Variants in ACSF3 observed in about 807,000 individuals in gnomAD.
The protein encoded by ACSF3 is malonate--CoA ligase ACSF3, mitochondrial.
In ACSF3, 78 loss-of-function variants were observed where a neutral mutation model predicts 53.2. The observed-to-expected ratio is 1.47, with a 90% CI of 1.22 to 1.77. The LOEUF is 1.77. Among genes scored for constraint, ACSF3 ranks in the 40% most tolerant of loss-of-function variants. The pLI, the probability that ACSF3 is intolerant of heterozygous loss-of-function variation, is 0.00. For missense variants in ACSF3, 937 were observed against 771.1 expected (o/e 1.22, Z -2.55); for synonymous variants, 414 against 333.1 (o/e 1.24, Z -2.65).
At chr16:89,110,497 A>G (rs1976556663) in intron 4 of ACSF3, among the ~76,000 whole-genome samples, 2 of 152,152 alleles carry the variant, frequency 1.3e-5, no homozygotes, top group Non-Finnish European at 2.9e-5. Context: ...TGGACTCTCC[A>G]TTGTGTTTTG....
chr16:89,141,397 C>G, intron 8 of ACSF3: 4 of 1,091,268 alleles, frequency 3.7e-6, no homozygotes, highest in Non-Finnish European at 4.9e-6. Context: ...AAGCTCAGGG[C>G]TGGGAGGGAA....
intron 4 of ACSF3, among the ~76,000 whole-genome samples, chr16:89,105,117 C>G (rs1975813719): frequency 6.6e-6 from 1 of 152,218 alleles, no homozygotes; most frequent in Non-Finnish European, 1.5e-5. Context: ...AAGAGCCTCC[C>G]TGAGGGCCCC....
intron 7 of ACSF3, chr16:89,122,380 A>C (rs1205343114): frequency 1.6e-5 from 7 of 449,654 alleles, no homozygotes; most frequent in South Asian, 9.4e-5. Flanking sequence ...GTAGGGCCCC[A>C]GCCCATGCTG....
chr16:89,107,401 C>T (rs990471927), intron 4 of ACSF3, among the ~76,000 whole-genome samples: 1 of 152,088 alleles, frequency 6.6e-6, no homozygotes, highest in East Asian at 1.9e-4. Flanking sequence ...CACGCATGCT[C>T]TCCCCACCTC....
At chr16:89,113,883 G>A in intron 5 of ACSF3, 1 of 314,156 alleles carries the variant, frequency 3.2e-6, no homozygotes, top group Non-Finnish European at 6.3e-6. Flanking sequence ...TCCGCGTTCT[G>A]CTGCAGAGCC....
At chr16:89,120,368 A>G (rs1906329321) in intron 6 of ACSF3, among the ~76,000 whole-genome samples, 1 of 152,186 alleles carries the variant, frequency 6.6e-6, no homozygotes, top group Non-Finnish European at 1.5e-5. Context: ...AGGTCCCCTC[A>G]TCGTGGACAG....
At chr16:89,141,017 T>G (rs1911644176) in intron 8 of ACSF3, 1 of 1,218,540 alleles carries the variant, frequency 8.2e-7, no homozygotes, top group Non-Finnish European at 1.1e-6. Context: ...GATAAATAGG[T>G]TGTTATGGAA....
chr16:89,153,672 C>A (rs992268104), intron 10 of ACSF3: 1 of 313,694 alleles, frequency 3.2e-6, no homozygotes, highest in African/African-American at 2.2e-5. Flanking sequence ...CCACCCACTC[C>A]CCAGCCTCTT....
chr16:89,136,781 G>A, intron 8 of ACSF3: 6 of 1,287,292 alleles, frequency 4.7e-6, no homozygotes, highest in Non-Finnish European at 5.1e-6. Flanking sequence ...GGCTTGTGAG[G>A]CCAGGGGTCT....
rs780693677 is a variant in ACSF3, at chr16:89,101,378, G to A, written c.666+31G>A. 8.9e-5 allele frequency: 139 copies of A among 1,557,182 alleles called. 1 individual carries two copies. Among genetic ancestry groups the A allele is most frequent in the Non-Finnish European group, 1.0e-4 (120 of 1,151,628 alleles). ...TGCCGCCTGGCGCCGTGATGGTTTC[G>A]GTGACCGCACAGCACTCCGGGTGGG... On this transcript the variant is annotated intron_variant, in intron 3 of 10. Transcript: ENST00000614302.
chr16:89,146,023 C>T lies in ACSF3; in HGVS notation c.1587C>T (p.Ser529=), dbSNP rs778486871. 7.4e-6 allele frequency: 12 copies of T among 1,613,364 alleles called. No individual in the cohort carries two copies. The highest frequency in any genetic ancestry group is 1.0e-5 in the Non-Finnish European group (12 of 1,179,666). ...VVTLREGHSL[S]HRELKEWARN... ...CCCTCCGAGAAGGACACTCACTGTCCCACAGGGAGCTCAAAGAGTGGGCCA... is the reference window on the plus strand; with the variant it reads ...CCCTCCGAGAAGGACACTCACTGTCTCACAGGGAGCTCAAAGAGTGGGCCA... Residue 529 remains serine, a synonymous_variant, in exon 10 of 11, where the codon TCC becomes TCT. Coordinates refer to ENST00000614302, the MANE Select transcript of ACSF3 (RefSeq NM_001243279.3).
At chr16:89,128,520 A>G (rs1436597728) in intron 7 of ACSF3, among the ~76,000 whole-genome samples, 5 of 152,120 alleles carry the variant, frequency 3.3e-5, no homozygotes, top group African/African-American at 1.2e-4. Flanking sequence ...TCGGCTTCCC[A>G]AAGTGCTGAG....
chr16:89,123,118 G>T (rs370802586), intron 7 of ACSF3, among the ~76,000 whole-genome samples: 12 of 152,330 alleles, frequency 7.9e-5, no homozygotes, highest in Non-Finnish European at 1.5e-4. Context: ...TTCAGCCAAG[G>T]AGTCGGTGCA....
At chr16:89,125,294 G>A (rs1907762879) in intron 7 of ACSF3, among the ~76,000 whole-genome samples, 1 of 147,758 alleles carries the variant, frequency 6.8e-6, no homozygotes. Flanking sequence ...ACTGAGCCGA[G>A]ATCACGCCAC....
In ACSF3 at chr16:89,145,463, G is replaced by A. The variant is rs142984225; in HGVS notation, c.1501+62G>A. 109 of 1,599,806 alleles carry A rather than the reference G, an allele frequency of 6.8e-5. No homozygotes were observed. In the East Asian group the frequency reaches 2.4e-3, roughly 36 times the overall value. ...GACGGGTGCTGCCTTCCATGTTTGA[G>A]TTTTAGACGACTGCAGATGAGTCGA... On this transcript the variant is annotated intron_variant, in intron 9 of 10. Coordinates refer to ENST00000614302, the MANE Select transcript of ACSF3 (RefSeq NM_001243279.3).
Position 89,133,327 on chromosome 16 carries a change from C to A in ACSF3, c.1366+65C>A, listed in dbSNP as rs546371458. ...GGACAGGCAGGAACTCATTGCTGCC[C>A]ACGTTGAGTGACACCGAGGCTGGGA... On this transcript the variant is annotated intron_variant, in intron 8 of 10. Transcript: ENST00000614302. The A allele has an allele frequency of 1.1e-5, 18 of 1,599,902 alleles. No homozygotes were observed. In the African/African-American group the frequency reaches 1.6e-4, roughly 14 times the overall value.
At chr16:89,124,543 C>T (rs1047939173) in intron 7 of ACSF3, among the ~76,000 whole-genome samples, 9 of 101,042 alleles carry the variant, frequency 8.9e-5, no homozygotes, top group African/African-American at 2.6e-4. Flanking sequence ...TACCCATCTG[C>T]TCACTGTATG....
chr16:89,154,071 G>A lies in ACSF3; in HGVS notation c.1614-19G>A, dbSNP rs1217575327. The A allele has an allele frequency of 2.6e-5, 42 of 1,610,224 alleles. No homozygotes were observed. Among genetic ancestry groups the A allele is most frequent in the Non-Finnish European group, 3.6e-5 (42 of 1,178,372 alleles). ...GCACTGTCAGGGCAGTGCGCCTCAG[G>A]CTGTGCTTGTCTCTGCAGAAATGTC... is the stretch of plus-strand genomic sequence containing the variant. On this transcript the variant is annotated intron_variant, in intron 10 of 10. Transcript: ENST00000614302.
chr16:89,149,960 A>G (rs894173467), intron 10 of ACSF3: 1 of 152,278 alleles, frequency 6.6e-6, no homozygotes, highest in East Asian at 1.9e-4. Flanking sequence ...TTCATAAGGA[A>G]CTACCCAAGA....
Sources: allele counts gnomAD v4.1 joint callset (sites outside exome capture counted in the v4.1 genomes callset), GRCh38; gene constraint gnomAD v4.1.1; transcripts MANE v1.5; gene names NCBI Gene and HGNC (gene_info 2026-07-23, HGNC 2026-07-21).